Variants in SHTN1 observed in about 807,000 individuals in gnomAD.
The protein encoded by SHTN1 is shootin 1.
Under a neutral mutation model 83.1 loss-of-function variants are expected in SHTN1, and 42 were observed. That is an observed-to-expected ratio of 0.51 (90% CI 0.39 to 0.65). SHTN1 has a LOEUF of 0.65. Among genes scored for constraint, SHTN1 ranks in the 30% least tolerant of loss-of-function variants. SHTN1 has a pLI of 0.00. For missense variants in SHTN1, 622 were observed against 737.8 expected (o/e 0.84, Z 1.82); for synonymous variants, 224 against 247.7 (o/e 0.90, Z 0.90).
intron 1 of SHTN1, among the ~76,000 whole-genome samples, chr10:117,054,733 T>A (rs765752423): frequency 2.0e-5 from 3 of 152,064 alleles, no homozygotes; most frequent in African/African-American, 7.2e-5. Context: ...CTTAAATATT[T>A]CTTTCTGCTG....
At chr10:116,997,917 A>G (rs1589883336) in intron 1 of SHTN1, among the ~76,000 whole-genome samples, 1 of 152,068 alleles carries the variant, frequency 6.6e-6, no homozygotes, top group South Asian at 2.1e-4. Flanking sequence ...ACGGTGAAAC[A>G]CTGTCTCTAC....
chr10:116,945,916 C>CA (rs1184061941), intron 7 of SHTN1, among the ~76,000 whole-genome samples: 2 of 152,140 alleles, frequency 1.3e-5, no homozygotes, highest in African/African-American at 4.8e-5. Flanking sequence ...CATACCACAG[C>CA]TATGCCTGTC....
At position 116,886,474 on chromosome 10, in the gene SHTN1, T is replaced by G; in HGVS notation, c.1766A>C (p.Glu589Ala). The change falls in exon 17 of 17, where the codon GAA (glutamate) becomes GCA (alanine). Residue 589 changes from glutamate to alanine, a missense_variant. Glu to Ala is a moderately radical substitution (Grantham distance 107). Transcript: ENST00000355371. ...VVVLDPVSTH[E>A]PQTKDQVAEK... ...AGCAACCTGGTCTTTGGTTTGGGGT[T>G]CATGTGTAGAAACAGGATCTAAAAC... 6.2e-7 allele frequency: 1 copy of G among 1,614,116 alleles called. No individual in the cohort carries two copies. Among genetic ancestry groups the G allele is most frequent in the Non-Finnish European group, 8.5e-7 (1 of 1,180,002 alleles).
intron 1 of SHTN1, among the ~76,000 whole-genome samples, chr10:117,098,224 T>C (rs1589931358): frequency 8.8e-6 from 1 of 113,438 alleles, no homozygotes; most frequent in Non-Finnish European, 1.8e-5. Flanking sequence ...CCGTCTCTAC[T>C]AAAAAAAAAA....
chr10:117,008,382 G>A (rs768814166), upstream of SHTN1, among the ~76,000 whole-genome samples: 4 of 151,788 alleles, frequency 2.6e-5, no homozygotes, highest in African/African-American at 4.9e-5. Context: ...ATACAATGAG[G>A]AGAAGAAGGT....
intron 2 of SHTN1, among the ~76,000 whole-genome samples, chr10:117,047,048 T>C (rs905371294): frequency 6.6e-6 from 1 of 152,046 alleles, no homozygotes; most frequent in Non-Finnish European, 1.5e-5. Flanking sequence ...ATTTATGATA[T>C]GTAAATTATT....
intron 9 of SHTN1, among the ~76,000 whole-genome samples, chr10:116,931,358 T>C (rs1042739939): frequency 6.6e-6 from 1 of 152,096 alleles, no homozygotes; most frequent in South Asian, 2.1e-4. Flanking sequence ...AAACAATTCT[T>C]GTGCTTCAGC....
At chr10:117,119,770 C>A (rs1853897116) in intron 1 of SHTN1, among the ~76,000 whole-genome samples, 1 of 151,724 alleles carries the variant, frequency 6.6e-6, no homozygotes, top group African/African-American at 2.4e-5. Flanking sequence ...GATTTGGAAG[C>A]AACCTAAGCG....
chr10:117,113,603 T>C (rs1853799447), intron 1 of SHTN1, among the ~76,000 whole-genome samples: 3 of 152,300 alleles, frequency 2.0e-5, no homozygotes, highest in South Asian at 4.1e-4. Context: ...TCAGAGACAT[T>C]AACTTACTCA....
chr10:117,032,788 A>T (rs376955061), intron 2 of SHTN1, among the ~76,000 whole-genome samples: 8 of 152,188 alleles, frequency 5.3e-5, no homozygotes, highest in African/African-American at 1.7e-4. Context: ...CATATGTTAG[A>T]TCACAAAACA....
At chr10:117,068,462 A>G (rs1312080937) in intron 1 of SHTN1, among the ~76,000 whole-genome samples, 2 of 151,882 alleles carry the variant, frequency 1.3e-5, no homozygotes, top group East Asian at 1.9e-4. Context: ...GCTGAAGAAC[A>G]AGTGGGAAGT....
At chr10:116,911,689 G>A (rs1270880747) in intron 14 of SHTN1, 101 bp downstream of exon 14, 3 of 1,580,622 alleles carry the variant, frequency 1.9e-6, no homozygotes, top group Non-Finnish European at 2.6e-6. Context: ...AATTGTAAAT[G>A]GGAATAAAAC....
chr10:116,951,232 G>C (rs1849764832), intron 6 of SHTN1, among the ~76,000 whole-genome samples: 1 of 152,146 alleles, frequency 6.6e-6, no homozygotes, highest in South Asian at 2.1e-4. Context: ...AGGTAAGCCT[G>C]GGAAATACAG....
At chr10:116,983,361 AG>A (rs2133490652) in intron 1 of SHTN1, among the ~76,000 whole-genome samples, 1 of 152,302 alleles carries the variant, frequency 6.6e-6, no homozygotes, top group Non-Finnish European at 1.5e-5. Context: ...TTTATGACAA[AG>A]GAAGTGTCCT....
At chr10:117,102,480 A>G (rs1853609428) in intron 1 of SHTN1, among the ~76,000 whole-genome samples, 1 of 152,106 alleles carries the variant, frequency 6.6e-6, no homozygotes, top group South Asian at 2.1e-4. Flanking sequence ...AAAGCCCTGC[A>G]TTGTTAGAAA....
chr10:117,076,182 CAAAAAAA>C (rs10595400), intron 1 of SHTN1, among the ~76,000 whole-genome samples: 1 of 99,446 alleles, frequency 1.0e-5, no homozygotes, highest in Non-Finnish European at 2.2e-5. Context: ...GACCCTGTCT[CAAAAAAA>C]AAAAAAAAAA....
At position 116,915,497 on chromosome 10, in the gene SHTN1, C is replaced by T. The variant is rs1409056081; in HGVS notation, c.1196-13G>A. On this transcript the variant is annotated splice_polypyrimidine_tract_variant and intron_variant, in intron 12 of 16. Coordinates refer to ENST00000355371, the MANE Select transcript of SHTN1 (RefSeq NM_001127211.3). ...GTGACTTCTTCAGCTGTTCAAAGAACACAGACATAAATCCTCTTATGTTAC... is the reference window on the plus strand; with the variant it reads ...GTGACTTCTTCAGCTGTTCAAAGAATACAGACATAAATCCTCTTATGTTAC... The T allele has an allele frequency of 4.2e-6, 6 of 1,445,734 alleles. No individual in the cohort carries two copies. The Admixed American group carries it at 5.1e-5, about 12-fold the overall frequency. 89.6% of individuals were successfully genotyped at this position (1,445,734 alleles called of 1,614,324 possible). A position where few individuals can be genotyped will look rare whatever the true frequency, so the allele number is the denominator to read the frequency against.
intron 3 of SHTN1, among the ~76,000 whole-genome samples, chr10:116,967,152 G>A (rs961115095): frequency 2.0e-5 from 3 of 152,200 alleles, no homozygotes; most frequent in Non-Finnish European, 2.9e-5. Context: ...GAATGATGGA[G>A]AAAGGCCTTG....
chr10:117,013,544 G>T (rs1564930854), intron 2 of SHTN1, among the ~76,000 whole-genome samples: 2 of 152,272 alleles, frequency 1.3e-5, no homozygotes, highest in East Asian at 3.9e-4. Context: ...CTAGTGAAAT[G>T]CAAGTTAAAA....
Sources: allele counts gnomAD v4.1 joint callset (sites outside exome capture counted in the v4.1 genomes callset), GRCh38; gene constraint gnomAD v4.1.1; transcripts MANE v1.5; gene names NCBI Gene and HGNC (gene_info 2026-07-23, HGNC 2026-07-21).